Variants in AUTS2 observed in about 807,000 individuals in gnomAD.
AUTS2 encodes activator of transcription and developmental regulator AUTS2, also known as autism susceptibility gene 2 protein.
A neutral mutation model predicts 112.4 loss-of-function variants in AUTS2; 17 were observed. The observed-to-expected ratio is 0.15, with a 90% CI of 0.10 to 0.23. The LOEUF (loss-of-function observed/expected upper bound fraction) is 0.23. Ranked by LOEUF, AUTS2 falls within the 10% of genes least tolerant of loss-of-function variation. The pLI is 1.00. For synonymous variants in AUTS2, 751 were observed against 702.7 expected (o/e 1.07, Z -1.09); for missense variants, 1,510 against 1,701.6 (o/e 0.89, Z 1.98).
intron 5 of AUTS2, among the ~76,000 whole-genome samples, chr7:70,682,570 G>A (rs748557181): frequency 6.6e-6 from 1 of 152,192 alleles, no homozygotes; most frequent in Non-Finnish European, 1.5e-5. Flanking sequence ...GGAACACAAA[G>A]GTGGTGCCCA....
intron 4 of AUTS2, among the ~76,000 whole-genome samples, chr7:70,266,541 A>G (rs964013554): frequency 6.6e-6 from 1 of 152,316 alleles, no homozygotes; most frequent in East Asian, 1.9e-4. Context: ...GAACATTTAA[A>G]AAAATTAATC....
chr7:69,749,259 A>G (rs950013483), intron 1 of AUTS2, among the ~76,000 whole-genome samples: 4 of 152,256 alleles, frequency 2.6e-5, no homozygotes, highest in East Asian at 1.9e-4. Flanking sequence ...ATGAACTGTA[A>G]TGTATCTCAT....
intron 3 of AUTS2, among the ~76,000 whole-genome samples, chr7:70,120,767 G>T (rs1805641342): frequency 6.6e-6 from 1 of 152,126 alleles, no homozygotes; most frequent in South Asian, 2.1e-4. Flanking sequence ...TAAGATGTCA[G>T]TACTACCCTA....
At chr7:70,676,860 AG>A (rs1298044614) in intron 5 of AUTS2, among the ~76,000 whole-genome samples, 1 of 150,310 alleles carries the variant, frequency 6.7e-6, no homozygotes, top group African/African-American at 2.5e-5. Flanking sequence ...CTGGGCGACA[AG>A]AGTGAGATTC....
At chr7:70,224,936 A>G (rs1811686629) in intron 4 of AUTS2, among the ~76,000 whole-genome samples, 1 of 152,252 alleles carries the variant, frequency 6.6e-6, no homozygotes. Context: ...ATAGTAGGCT[A>G]TACCATTTAG....
chr7:69,636,407 G>A (rs1400072877), intron 1 of AUTS2, among the ~76,000 whole-genome samples: 1 of 128,120 alleles, frequency 7.8e-6, no homozygotes, highest in Non-Finnish European at 1.6e-5. Context: ...GCTAATTTTT[G>A]TATTTTTTGT....
intron 2 of AUTS2, among the ~76,000 whole-genome samples, chr7:70,022,851 T>C (rs1029578332): frequency 2.1e-5 from 3 of 144,718 alleles, no homozygotes; most frequent in Admixed American, 2.1e-4. Context: ...TCTTTTTGAA[T>C]TAAATTAATT....
chr7:70,786,985 T>G (rs1229788172), intron 17 of AUTS2: 2 of 629,736 alleles, frequency 3.2e-6, no homozygotes, highest in Non-Finnish European at 2.8e-6. Context: ...TCCCCACCTT[T>G]GCTTTTGGTT....
At chr7:70,784,113 C>CAGTT (rs1313642094) in intron 15 of AUTS2, 2 of 152,154 alleles carry the variant, frequency 1.3e-5, no homozygotes, top group Non-Finnish European at 2.9e-5. Flanking sequence ...CTGTCAGAGT[C>CAGTT]AGTTATAAGA....
chr7:70,107,335 CTTTTTTTTTTTTTT>C (rs35066322), intron 2 of AUTS2, among the ~76,000 whole-genome samples: 1 of 96,936 alleles, frequency 1.0e-5, no homozygotes, highest in African/African-American at 4.0e-5. Context: ...AGATGAGAAG[CTTTTTTTTTTTTTT>C]TTTTTTTTTC....
At position 70,252,548 on chromosome 7, in the gene AUTS2, G is replaced by T. The variant is rs187975669; in HGVS notation, c.660+117977G>T. Reference sequence around the variant, plus strand: ...GCAAATATTTTCTCCCAATCTGCAAGCTATTTCTTAACTCTGCTAATCGCT... The same window carrying T: ...GCAAATATTTTCTCCCAATCTGCAATCTATTTCTTAACTCTGCTAATCGCT... On this transcript the variant is annotated intron_variant, in intron 4 of 18. Coordinates refer to ENST00000342771, the MANE Select transcript of AUTS2 (RefSeq NM_015570.4). Among the ~76,000 whole-genome samples the T allele has an allele frequency of 3.3e-5, 5 of 152,222 alleles. No individual in the cohort carries two copies. The East Asian group carries it at 9.7e-4, about 29-fold the overall frequency.
At chr7:70,296,841 T>C (rs895374670) in intron 4 of AUTS2, among the ~76,000 whole-genome samples, 1 of 75,406 alleles carries the variant, frequency 1.3e-5, no homozygotes, top group Admixed American at 1.3e-4. Flanking sequence ...TGGGTATACA[T>C]TTTTTTTTTT....
chr7:69,632,421 C>G (rs745858705), intron 1 of AUTS2, among the ~76,000 whole-genome samples: 10 of 152,144 alleles, frequency 6.6e-5, no homozygotes, highest in Non-Finnish European at 1.3e-4. Flanking sequence ...GGAGTTAGAA[C>G]TTGATACATG....
chr7:70,328,765 C>A (rs561175445), intron 4 of AUTS2, among the ~76,000 whole-genome samples: 2 of 152,112 alleles, frequency 1.3e-5, no homozygotes, highest in African/African-American at 2.4e-5. Flanking sequence ...GAAGTTATTT[C>A]TTTTAAAAAA....
intron 4 of AUTS2, among the ~76,000 whole-genome samples, chr7:70,423,759 AC>A (rs1795318134): frequency 6.6e-6 from 1 of 151,250 alleles, no homozygotes; most frequent in Admixed American, 6.6e-5. Context: ...CTTGTTGCTC[AC>A]TTCGTTGAGA....
chr7:70,189,543 G>T (rs1007847438), intron 4 of AUTS2, among the ~76,000 whole-genome samples: 2 of 152,200 alleles, frequency 1.3e-5, no homozygotes, highest in Non-Finnish European at 2.9e-5. Context: ...CTAGATTAAT[G>T]CCCAGGTGAC....
intron 4 of AUTS2, among the ~76,000 whole-genome samples, chr7:70,331,003 A>C (rs1213155237): frequency 6.6e-6 from 1 of 152,040 alleles, no homozygotes; most frequent in Non-Finnish European, 1.5e-5. Context: ...ATTGGCCTGA[A>C]ATTTTCTTTT....
intron 5 of AUTS2, among the ~76,000 whole-genome samples, chr7:70,600,091 C>T (rs184583442): frequency 1.3e-5 from 2 of 152,232 alleles, no homozygotes; most frequent in African/African-American, 2.4e-5. Flanking sequence ...TGTTTTCACA[C>T]GTTCTCCAAG....
At chr7:70,554,013 A>ACCC (rs374155380) in intron 5 of AUTS2, among the ~76,000 whole-genome samples, 18 of 142,182 alleles carry the variant, frequency 1.3e-4, no homozygotes, top group African/African-American at 4.2e-4. Flanking sequence ...CTCATGATCC[A>ACCC]CCCACCTCGG....
Sources: allele counts gnomAD v4.1 joint callset (sites outside exome capture counted in the v4.1 genomes callset), GRCh38; gene constraint gnomAD v4.1.1; transcripts MANE v1.5; gene names NCBI Gene and HGNC (gene_info 2026-07-23, HGNC 2026-07-21).